The following MICU2 variants were observed in gnomAD, a reference collection of about 807,000 sequenced individuals.
MICU2 encodes mitochondrial calcium uptake 2.
Under a neutral mutation model 60.4 loss-of-function variants are expected in MICU2, and 64 were observed. That is an observed-to-expected ratio of 1.06 (90% CI 0.87 to 1.31). The LOEUF is 1.31. MICU2 is among the 50% of genes most tolerant of loss of function. The probability of loss-of-function intolerance (pLI) is 0.00; values close to 1 mark genes in which losing one functional copy is unlikely to be tolerated. For missense variants in MICU2, 569 were observed against 531.0 expected (o/e 1.07, Z -0.70); for synonymous variants, 201 against 175.0 (o/e 1.15, Z -1.17).
rs1885901964 is a variant in MICU2 at position 21,493,150 on chromosome 13, T to G, written c.*99A>C. 1.5e-6 allele frequency: 1 copy of G among 650,220 alleles called. No individual in the cohort carries two copies. The highest frequency in any genetic ancestry group is 2.5e-5 in the South Asian group (1 of 40,152). The allele number at this position is 650,220 out of a possible 1,614,324, so 40.3% of individuals were successfully genotyped here. On this transcript the variant is annotated 3_prime_UTR_variant, in exon 12 of 12. Transcript: ENST00000382374. ...CAAGACATGCTTATTTCACACAGAA[T>G]ATCAATGAAGACTTAAGAAGATAAA...
intron 8 of MICU2, among the ~76,000 whole-genome samples, chr13:21,507,939 T>C (rs1030481265): frequency 6.6e-6 from 1 of 151,700 alleles, no homozygotes; most frequent in Non-Finnish European, 1.5e-5. Flanking sequence ...TTTCTTTCTT[T>C]CTTTTTTTTG....
chr13:21,566,522 A>G (rs533211907), intron 2 of MICU2, among the ~76,000 whole-genome samples: 2 of 151,096 alleles, frequency 1.3e-5, no homozygotes, highest in African/African-American at 4.8e-5. Context: ...GGCCCAATTT[A>G]TAACATGGAC....
intron 2 of MICU2, among the ~76,000 whole-genome samples, chr13:21,559,327 T>C (rs999597365): frequency 6.6e-6 from 1 of 152,204 alleles, no homozygotes; most frequent in African/African-American, 2.4e-5. Context: ...TAAGGGACAG[T>C]TGAGTTGTTT....
intron 1 of MICU2, among the ~76,000 whole-genome samples, chr13:21,591,261 A>G (rs1261920938): frequency 2.6e-5 from 4 of 151,336 alleles, no homozygotes; most frequent in Non-Finnish European, 5.9e-5. Flanking sequence ...TTAAATCAAC[A>G]AAGACAAAAA....
intron 7 of MICU2, among the ~76,000 whole-genome samples, chr13:21,513,693 T>G (rs1057274349): frequency 1.7e-5 from 2 of 119,952 alleles, no homozygotes; most frequent in Non-Finnish European, 3.2e-5. Flanking sequence ...TGAGCTGAGA[T>G]CGCGCCACTG....
chr13:21,554,120 C>G (rs1887642799), intron 2 of MICU2, among the ~76,000 whole-genome samples: 1 of 152,150 alleles, frequency 6.6e-6, no homozygotes. Flanking sequence ...TTAGACAGAT[C>G]AACGAGACAG....
chr13:21,530,292 G>T (rs1399251197), intron 4 of MICU2, among the ~76,000 whole-genome samples: 2 of 151,986 alleles, frequency 1.3e-5, no homozygotes, highest in East Asian at 3.9e-4. Flanking sequence ...ACTGTTTCTG[G>T]TTCCTTTTAA....
intron 4 of MICU2, chr13:21,531,066 A>C: frequency 1.0e-6 from 1 of 1,003,856 alleles, no homozygotes; most frequent in Non-Finnish European, 1.6e-6. Context: ...CAAATATCCT[A>C]ATCTGTTAAG....
intron 8 of MICU2, among the ~76,000 whole-genome samples, chr13:21,504,601 T>C (rs563916734): frequency 2.0e-5 from 3 of 152,348 alleles, no homozygotes; most frequent in African/African-American, 4.8e-5. Context: ...TGAACATGCA[T>C]ATATGAATTG....
chr13:21,570,332 T>C (rs1403846543), intron 1 of MICU2, among the ~76,000 whole-genome samples: 1 of 152,200 alleles, frequency 6.6e-6, no homozygotes, highest in African/African-American at 2.4e-5. Flanking sequence ...GGATCACTAA[T>C]ATAATCAATG....
chr13:21,604,015 G>A lies in MICU2; in HGVS notation c.134C>T (p.Ala45Val), dbSNP rs1888896820. ...GTGGTGCCAGGCCGCTCCTGCTCCT[G>A]CCAGGGCCGCGCCGGCCACTGCCGC... ...LAAAVAGAAL[A>V]GAGAAWHHSR... Residue 45 changes from alanine (A) to valine (V), a missense_variant, in exon 1 of 12, where the codon GCA (alanine) becomes GTA (valine). Ala to Val is a moderately conservative substitution (Grantham distance 64, BLOSUM62 0). Transcript: ENST00000382374. The A allele has an allele frequency of 1.9e-6, 3 of 1,609,362 alleles. No homozygotes were observed.
chr13:21,603,947 A>G lies in MICU2; in HGVS notation c.202T>C (p.Ser68Pro), dbSNP rs201389309. Reference protein sequence around the residue: ...VAARDGSFTVSAQKNVEHGII... With the variant: ...VAARDGSFTVPAQKNVEHGII... ...AGGAGTTAGTCCTGTACCTGTGCGGAGACTGTAAAACTGCCATCCCGCGCC... is the reference window on the plus strand; with the variant it reads ...AGGAGTTAGTCCTGTACCTGTGCGGGGACTGTAAAACTGCCATCCCGCGCC... Residue 68 changes from serine to proline, a missense_variant, in exon 1 of 12, where the codon TCC becomes CCC. Transcript: ENST00000382374. 4.7e-5 allele frequency: 75 copies of G among 1,612,376 alleles called. No individual in the cohort carries two copies. The highest frequency in any genetic ancestry group is 6.7e-5 in the Admixed American group (4 of 59,968).
chr13:21,594,780 A>G (rs1888657038), intron 1 of MICU2, among the ~76,000 whole-genome samples: 1 of 152,228 alleles, frequency 6.6e-6, no homozygotes, highest in South Asian at 2.1e-4. Context: ...ACACAGGAAC[A>G]GAAAATCAAA....
intron 8 of MICU2, among the ~76,000 whole-genome samples, chr13:21,503,841 GATCCCTTTATTCACTTTTCCAC>G (rs1244481067): frequency 6.6e-6 from 1 of 152,184 alleles, no homozygotes; most frequent in Non-Finnish European, 1.5e-5. Flanking sequence ...ATATGCTGCA[GATCCCTTTATTCACTTTTCCAC>G]ATGTGAAAAG....
At position 21,604,135 on chromosome 13, in the gene MICU2, G is replaced by A; in HGVS notation, c.14C>T (p.Ala5Val). Residue 5 changes from alanine (A) to valine (V), a missense_variant, in exon 1 of 12, where the codon GCG (alanine) becomes GTG (valine). By Grantham distance (64) the Ala-to-Val change is moderately conservative. Coordinates refer to ENST00000382374, the MANE Select transcript of MICU2 (RefSeq NM_152726.3). Reference sequence around the variant, plus strand: ...GGCCGCCACCCGCGCGCAGCTACCCGCAGCCGCCGCCATCTTTGCGGAAGC... The same window carrying A: ...GGCCGCCACCCGCGCGCAGCTACCCACAGCCGCCGCCATCTTTGCGGAAGC... MAAA[A>V]GSCARVAAWG... The A allele has an allele frequency of 6.4e-7, 1 of 1,560,592 alleles. No homozygotes were observed. The highest frequency in any genetic ancestry group is 8.7e-7 in the Non-Finnish European group (1 of 1,156,022).
intron 1 of MICU2, among the ~76,000 whole-genome samples, chr13:21,576,853 A>G (rs1888238066): frequency 1.3e-5 from 2 of 152,200 alleles, no homozygotes; most frequent in African/African-American, 4.8e-5. Context: ...ATTTTTTAAA[A>G]AGCCCTGCAA....
intron 2 of MICU2, among the ~76,000 whole-genome samples, chr13:21,550,848 T>C (rs1005442574): frequency 3.3e-5 from 5 of 152,178 alleles, no homozygotes; most frequent in Non-Finnish European, 5.9e-5. Context: ...CCTAGACTAA[T>C]AGCTTATATA....
intron 2 of MICU2, among the ~76,000 whole-genome samples, chr13:21,543,096 G>A (rs976872600): frequency 2.0e-5 from 3 of 152,144 alleles, no homozygotes; most frequent in African/African-American, 4.8e-5. Flanking sequence ...GCCTAAGACA[G>A]AGCTGATTAT....
chr13:21,568,072 A>G (rs1888025528), intron 1 of MICU2, among the ~76,000 whole-genome samples: 1 of 152,184 alleles, frequency 6.6e-6, no homozygotes, highest in South Asian at 2.1e-4. Flanking sequence ...AACCTGGACC[A>G]CAGTATCCTT....
Sources: allele counts gnomAD v4.1 joint callset (sites outside exome capture counted in the v4.1 genomes callset), GRCh38; gene constraint gnomAD v4.1.1; transcripts MANE v1.5; gene names NCBI Gene and HGNC (gene_info 2026-07-23, HGNC 2026-07-21).